Variants in ATE1 observed in about 807,000 individuals in gnomAD.
ATE1 encodes the protein arginyltransferase 1.
Under a neutral mutation model 70.5 loss-of-function variants are expected in ATE1, and 36 were observed. That is an observed-to-expected ratio of 0.51 (90% CI 0.39 to 0.67). The LOEUF is 0.67. ATE1 is among the 30% of genes least tolerant of loss of function. The probability of loss-of-function intolerance (pLI) is 0.00; values close to 1 mark genes in which losing one functional copy is unlikely to be tolerated. For missense variants in ATE1, 593 were observed against 629.5 expected (o/e 0.94, Z 0.62); for synonymous variants, 232 against 219.3 (o/e 1.06, Z -0.51).
At chr10:121,901,209 G>A (rs1298183625) in intron 6 of ATE1, among the ~76,000 whole-genome samples, 7 of 152,032 alleles carry the variant, frequency 4.6e-5, no homozygotes, top group African/African-American at 7.2e-5. Context: ...AGAGGTTGCA[G>A]TGAGCCGAGA....
intron 11 of ATE1, among the ~76,000 whole-genome samples, chr10:121,769,342 A>C (rs1232483808): frequency 6.6e-6 from 1 of 152,230 alleles, no homozygotes; most frequent in African/African-American, 2.4e-5. Context: ...GGTATCAACC[A>C]GTAAAAAAGT....
intron 10 of ATE1, among the ~76,000 whole-genome samples, chr10:121,826,527 C>T (rs2133644763): frequency 6.6e-6 from 1 of 152,258 alleles, no homozygotes; most frequent in East Asian, 1.9e-4. Flanking sequence ...AGGATGGTCT[C>T]AACTCTTGAC....
chr10:121,894,758 G>A (rs972783143), intron 7 of ATE1, among the ~76,000 whole-genome samples: 11 of 152,076 alleles, frequency 7.2e-5, no homozygotes, highest in South Asian at 2.1e-4. Context: ...AAAATTAGCC[G>A]GGCGTGGTGG....
intron 10 of ATE1, among the ~76,000 whole-genome samples, chr10:121,834,286 T>C (rs1002127793): frequency 5.3e-5 from 8 of 152,154 alleles, no homozygotes; most frequent in Non-Finnish European, 1.2e-4. Context: ...AGTGAACCAC[T>C]AGAATGGAAG....
intron 11 of ATE1, among the ~76,000 whole-genome samples, chr10:121,763,713 C>A (rs775235652): frequency 6.6e-6 from 1 of 152,102 alleles, no homozygotes; most frequent in African/African-American, 2.4e-5. Context: ...AGAGAACGGA[C>A]AACACAAAGA....
intron 10 of ATE1, among the ~76,000 whole-genome samples, chr10:121,809,167 T>A (rs942009150): frequency 6.6e-6 from 1 of 152,220 alleles, no homozygotes; most frequent in African/African-American, 2.4e-5. Flanking sequence ...CTGTCATTTT[T>A]ACTTGACAGC....
At chr10:121,745,341 TC>T (rs1290435577) in intron 11 of ATE1, among the ~76,000 whole-genome samples, 11 of 151,990 alleles carry the variant, frequency 7.2e-5, no homozygotes, top group Admixed American at 7.2e-4. Context: ...AAAGCCTGGA[TC>T]CCCTCCCCGG....
intron 10 of ATE1, among the ~76,000 whole-genome samples, chr10:121,803,380 G>C (rs1368536394): frequency 6.6e-6 from 1 of 152,186 alleles, no homozygotes; most frequent in Non-Finnish European, 1.5e-5. Flanking sequence ...ATATAGAAAA[G>C]TTAAGTGACT....
intron 8 of ATE1, among the ~76,000 whole-genome samples, chr10:121,848,633 A>G (rs1948933798): frequency 7.5e-6 from 1 of 133,846 alleles, no homozygotes; most frequent in Admixed American, 7.5e-5. Context: ...AAAAAGGGCC[A>G]GGTGCGGTGG....
chr10:121,874,500 T>C (rs1353597961), intron 7 of ATE1, among the ~76,000 whole-genome samples: 1 of 152,228 alleles, frequency 6.6e-6, no homozygotes, highest in East Asian at 1.9e-4. Flanking sequence ...ATTAAATCTG[T>C]ATTTAACAAG....
At chr10:121,898,896 A>T in intron 7 of ATE1, 1 of 1,614,010 alleles carries the variant, frequency 6.2e-7, no homozygotes, top group Non-Finnish European at 8.5e-7. Flanking sequence ...TTGATACTTG[A>T]CATACAAAGA....
chr10:121,911,687 G>A (rs1344552665), intron 4 of ATE1, among the ~76,000 whole-genome samples: 11 of 152,124 alleles, frequency 7.2e-5, no homozygotes, highest in Non-Finnish European at 1.6e-4. Flanking sequence ...AGAATGGCTG[G>A]TGGGGAGAAG....
chr10:121,852,665 C>G (rs1318485349), intron 8 of ATE1, among the ~76,000 whole-genome samples: 1 of 151,980 alleles, frequency 6.6e-6, no homozygotes, highest in Admixed American at 6.6e-5. Context: ...GAGCTGAGAT[C>G]GCACCACTGC....
chr10:121,886,623 G>A (rs10887007), intron 7 of ATE1, among the ~76,000 whole-genome samples: 45,973 of 152,096 alleles, frequency 0.3, 7,331 homozygotes, highest in South Asian at 0.43. Flanking sequence ...TTTCTTAAAT[G>A]TATGTATAGC....
At chr10:121,904,088 T>C (rs1951091589) in intron 5 of ATE1, among the ~76,000 whole-genome samples, 1 of 151,346 alleles carries the variant, frequency 6.6e-6, no homozygotes. Context: ...ATTCGAGCAA[T>C]TCTCCTGCCT....
At chr10:121,870,993 T>C (rs1198601440) in intron 7 of ATE1, among the ~76,000 whole-genome samples, 3 of 152,166 alleles carry the variant, frequency 2.0e-5, no homozygotes. Context: ...CAAGCACTCA[T>C]GAACTTCCTC....
At chr10:121,752,366 G>A (rs1944622408) in intron 11 of ATE1, among the ~76,000 whole-genome samples, 1 of 150,872 alleles carries the variant, frequency 6.6e-6, no homozygotes, top group Non-Finnish European at 1.5e-5. Context: ...GAGTAGCTGG[G>A]ACTACAGGCA....
chr10:121,875,147 A>G (rs1471484808), intron 7 of ATE1, among the ~76,000 whole-genome samples: 1 of 150,500 alleles, frequency 6.6e-6, no homozygotes. Flanking sequence ...TCAAAAAAAA[A>G]AAAAAAAAAA....
chr10:121,883,922 T>C (rs1049295807), intron 7 of ATE1, among the ~76,000 whole-genome samples: 3 of 151,778 alleles, frequency 2.0e-5, no homozygotes, highest in Middle Eastern at 3.2e-3. Context: ...CTGGCCAACA[T>C]GGTGAAACCC....
Sources: gnomAD v4.1 joint callset for allele counts (sites outside exome capture counted in the v4.1 genomes callset) on GRCh38, gnomAD v4.1.1 for gene constraint, MANE v1.5 for transcripts, NCBI Gene and HGNC (gene_info 2026-07-23, HGNC 2026-07-21) for gene names.